The following CORO2B variants were observed in gnomAD, a reference collection of about 807,000 sequenced individuals.
The protein encoded by CORO2B is coronin 2B, also known as coronin-2B.
Under a neutral mutation model 58.8 loss-of-function variants are expected in CORO2B, and 26 were observed. That is an observed-to-expected ratio of 0.44 (90% CI 0.32 to 0.61). The LOEUF is 0.61. Ranked by LOEUF, CORO2B falls within the 20% of genes least tolerant of loss-of-function variation. The pLI is 0.04. For synonymous variants in CORO2B, 242 were observed against 253.8 expected (o/e 0.95, Z 0.44); for missense variants, 460 against 645.1 (o/e 0.71, Z 3.11).
At chr15:68,602,343 A>G (rs1034854304) in intron 1 of CORO2B, among the ~76,000 whole-genome samples, 7 of 151,018 alleles carry the variant, frequency 4.6e-5, no homozygotes. Context: ...GAAGGGAAGA[A>G]TTGGGAGACA....
rs1480935414 is a variant in CORO2B at position 68,726,179 on chromosome 15, C to G, written c.*205C>G. 8 of 607,462 alleles carry G rather than the reference C, an allele frequency of 1.3e-5. No individual in the cohort carries two copies. In the Admixed American group the frequency reaches 2.8e-4, roughly 21 times the overall value. 37.6% of individuals were successfully genotyped at this position (607,462 alleles called of 1,614,324 possible). On this transcript the variant is annotated 3_prime_UTR_variant, in exon 12 of 12. Transcript: ENST00000261861. ...TAAAAGTCCCCAGCTTCTGGAGACC[C>G]CCTGCCGGCAGCCCCTTTCCCTGCC...
chr15:68,526,257 G>T, the CORO2B span, among the ~76,000 whole-genome samples: 3 of 152,098 alleles, frequency 2.0e-5, no homozygotes, highest in Non-Finnish European at 2.9e-5. Context: ...ATATAGACAC[G>T]TTTTCATTTC....
the CORO2B span, among the ~76,000 whole-genome samples, chr15:68,547,977 C>T: frequency 6.6e-6 from 1 of 151,860 alleles, no homozygotes; most frequent in Non-Finnish European, 1.5e-5. Context: ...TCGAGACCAA[C>T]CTGGCCAACA....
At chr15:68,659,748 A>G (rs1901952594) in intron 2 of CORO2B, among the ~76,000 whole-genome samples, 1 of 152,242 alleles carries the variant, frequency 6.6e-6, no homozygotes, top group African/African-American at 2.4e-5. Context: ...AGCCTGGCCA[A>G]CATGGCGAAA....
chr15:68,663,182 T>C (rs1169385347), intron 2 of CORO2B, among the ~76,000 whole-genome samples: 2 of 152,248 alleles, frequency 1.3e-5, no homozygotes, highest in Non-Finnish European at 2.9e-5. Context: ...TTTTTACATG[T>C]AATTATATAT....
At chr15:68,714,395 G>A (rs901812970) in intron 6 of CORO2B, among the ~76,000 whole-genome samples, 164 bp from the exon 7 acceptor site, 11 of 152,082 alleles carry the variant, frequency 7.2e-5, no homozygotes, top group Non-Finnish European at 1.3e-4. Context: ...GCTGCTTTTC[G>A]TGACAAGAAA....
chr15:68,711,641 C>A lies in CORO2B; in HGVS notation c.583C>A (p.Leu195Ile). The change falls in exon 5 of 12, where the codon CTC becomes ATC. Residue 195 changes from leucine (L) to isoleucine (I), a missense_variant. Transcript: ENST00000261861. ...CMSFNTDGSL[L>I]TTTCKDKKLR... The stretch of plus-strand genomic sequence containing the variant: ...GTCCTTCAACACGGACGGCAGCCTG[C>A]TCACCACCACGTGCAAGGACAAGAA... The A allele has an allele frequency of 6.2e-7, 1 of 1,614,108 alleles. No individual in the cohort carries two copies. Among genetic ancestry groups the A allele is most frequent in the Non-Finnish European group, 8.5e-7 (1 of 1,179,982 alleles).
At chr15:68,531,040 T>G in the CORO2B span, among the ~76,000 whole-genome samples, 1 of 152,222 alleles carries the variant, frequency 6.6e-6, no homozygotes, top group Non-Finnish European at 1.5e-5. Context: ...TTACAATATA[T>G]ATCTTTAGCT....
intron 11 of CORO2B, among the ~76,000 whole-genome samples, chr15:68,724,910 A>G (rs1412263792): frequency 1.3e-5 from 2 of 152,114 alleles, no homozygotes; most frequent in African/African-American, 4.8e-5. Flanking sequence ...CTAGAGAGTC[A>G]TTGGGGTGAA....
chr15:68,682,199 C>T (rs1902814259), intron 2 of CORO2B, among the ~76,000 whole-genome samples: 1 of 152,204 alleles, frequency 6.6e-6, no homozygotes, highest in Admixed American at 6.5e-5. Flanking sequence ...CCAAAAAATC[C>T]TGCAGATAGT....
chr15:68,692,598 T>TAA (rs78604550), intron 2 of CORO2B, among the ~76,000 whole-genome samples: 81 of 143,922 alleles, frequency 5.6e-4, no homozygotes, highest in African/African-American at 1.8e-3. Flanking sequence ...AGCAAATAAA[T>TAA]AAAAAAAATT....
intron 3 of CORO2B, among the ~76,000 whole-genome samples, chr15:68,704,037 CAT>C (rs1471487347): frequency 2.3e-4 from 16 of 68,340 alleles, no homozygotes; most frequent in Admixed American, 1.0e-3. Context: ...TCTACACACA[CAT>C]ACACACACAC....
rs1429254728 is a variant in CORO2B, at chr15:68,686,287, C to T, written c.217-8853C>T. Among the ~76,000 whole-genome samples, 9 of 151,970 alleles carry T rather than the reference C, an allele frequency of 5.9e-5. No individual in the cohort carries two copies. The South Asian group carries it at 8.3e-4, about 14-fold the overall frequency. On this transcript the variant is annotated intron_variant, in intron 2 of 11. Coordinates refer to ENST00000261861, the MANE Select transcript of CORO2B (RefSeq NM_006091.5). ...CTGACCTCAGGTGATCTGCCTGCCT[C>T]GGCCTCCCAAAGTGCTGGGATTACA...
At chr15:68,528,196 TA>T in the CORO2B span, among the ~76,000 whole-genome samples, 4 of 152,158 alleles carry the variant, frequency 2.6e-5, no homozygotes, top group African/African-American at 9.6e-5. Context: ...TAAAAGCAGA[TA>T]TTTTGTCTTG....
chr15:68,669,577 G>C (rs2140294232), intron 2 of CORO2B, among the ~76,000 whole-genome samples: 1 of 152,226 alleles, frequency 6.6e-6, no homozygotes, highest in East Asian at 1.9e-4. Context: ...TTGACTTTTG[G>C]CCTCACTTTC....
the CORO2B span, among the ~76,000 whole-genome samples, chr15:68,520,113 G>T: frequency 6.6e-6 from 1 of 152,184 alleles, no homozygotes; most frequent in Admixed American, 6.5e-5. Context: ...CCTAGATTTA[G>T]TCCACTGTGG....
intron 8 of CORO2B, among the ~76,000 whole-genome samples, chr15:68,715,724 G>T (rs1231084106): frequency 6.6e-6 from 1 of 152,172 alleles, no homozygotes; most frequent in Admixed American, 6.5e-5. Flanking sequence ...GCCTGATAGG[G>T]CAGGAAGAAG....
intron 3 of CORO2B, among the ~76,000 whole-genome samples, chr15:68,700,304 A>C (rs1273574942): frequency 6.6e-6 from 1 of 152,136 alleles, no homozygotes; most frequent in Non-Finnish European, 1.5e-5. Flanking sequence ...GAAGCTCTTC[A>C]CAGCAGGTCT....
At chr15:68,593,133 A>G (rs1480532143) in intron 1 of CORO2B, among the ~76,000 whole-genome samples, 1 of 152,182 alleles carries the variant, frequency 6.6e-6, no homozygotes, top group Non-Finnish European at 1.5e-5. Context: ...GGATAATCAC[A>G]TTAATTAATT....
Sources: gnomAD v4.1 joint callset for allele counts (sites outside exome capture counted in the v4.1 genomes callset) on GRCh38, gnomAD v4.1.1 for gene constraint, MANE v1.5 for transcripts, NCBI Gene and HGNC (gene_info 2026-07-23, HGNC 2026-07-21) for gene names.